Variants in MYH10 observed in about 807,000 individuals in gnomAD.
MYH10 encodes myosin heavy chain 10, also known as myosin-10.
In MYH10, 55 loss-of-function variants were observed where a neutral mutation model predicts 257.8. The observed-to-expected ratio is 0.21, with a 90% CI of 0.17 to 0.27. The LOEUF is 0.27. Ranked by LOEUF, MYH10 falls within the 10% of genes least tolerant of loss-of-function variation. The probability of loss-of-function intolerance (pLI) is 1.00; values close to 1 mark genes in which losing one functional copy is unlikely to be tolerated. For missense variants in MYH10, 1,631 were observed against 2,500.6 expected (o/e 0.65, Z 7.42); for synonymous variants, 854 against 921.7 (o/e 0.93, Z 1.33).
chr17:8,588,958 T>A (rs1007669862), intron 4 of MYH10, 123 bp downstream of exon 4: 2 of 888,584 alleles, frequency 2.3e-6, no homozygotes, highest in Non-Finnish European at 3.6e-6. Flanking sequence ...TTAAAATAAC[T>A]GCGAGGTTTA....
intron 17 of MYH10, among the ~76,000 whole-genome samples, chr17:8,524,449 C>A (rs969302753): frequency 1.6e-5 from 1 of 62,128 alleles, no homozygotes; most frequent in African/African-American, 6.6e-5. Context: ...GACTCTGTCT[C>A]AAAAAAAAAA....
At chr17:8,501,414 A>G (rs1917483895) in intron 28 of MYH10, among the ~76,000 whole-genome samples, 1 of 152,226 alleles carries the variant, frequency 6.6e-6, no homozygotes, top group South Asian at 2.1e-4. Flanking sequence ...ACCGGAGGTC[A>G]GGAATTGGTT....
rs1049961314 is a variant in MYH10, at chr17:8,487,436, G to A, written c.5043C>T (p.Leu1681=). ...RDEVIKQLRK[L]QAQMKDYQRE... ...CTCCATGGGTGAAGGCACATACCTG[G>A]AGCTTGCGGAGCTGCTTAATCACCT... Residue 1681 remains leucine (L), a synonymous_variant, in exon 36 of 43, where the codon CTC becomes CTT. Coordinates refer to ENST00000360416, the MANE Select transcript of MYH10 (RefSeq NM_001256012.3). 3.1e-6 allele frequency: 5 copies of A among 1,613,972 alleles called. No individual in the cohort carries two copies. Among genetic ancestry groups the A allele is most frequent in the Middle Eastern group, 3.4e-4 (2 of 5,966 alleles).
rs749672925 is a variant in MYH10 at position 8,623,288 on chromosome 17, A to C, written c.-31-11T>G. ...CAAAAGCAATTGCCTCTAAGAGAAGAGGAGGAGGGCAAAATTAGATGTTTA... is the reference window on the plus strand; with the variant it reads ...CAAAAGCAATTGCCTCTAAGAGAAGCGGAGGAGGGCAAAATTAGATGTTTA... On this transcript the variant is annotated splice_polypyrimidine_tract_variant and intron_variant, in intron 1 of 42. Coordinates refer to ENST00000360416, the MANE Select transcript of MYH10 (RefSeq NM_001256012.3). 2.6e-6 allele frequency: 4 copies of C among 1,540,778 alleles called. No homozygotes were observed. The highest frequency in any genetic ancestry group is 2.6e-6 in the Non-Finnish European group (3 of 1,148,240).
intron 2 of MYH10, among the ~76,000 whole-genome samples, chr17:8,614,190 C>T (rs2085153976): frequency 6.7e-6 from 1 of 149,136 alleles, no homozygotes; most frequent in Admixed American, 6.7e-5. Context: ...GCAAGTCTAA[C>T]AAATATAAAA....
chr17:8,512,436 A>C lies in MYH10; in HGVS notation c.2952+15T>G, dbSNP rs768062015. 1.9e-6 allele frequency: 3 copies of C among 1,587,580 alleles called. No individual in the cohort carries two copies. In the South Asian group the frequency reaches 3.5e-5, roughly 18 times the overall value. On this transcript the variant is annotated intron_variant, in intron 24 of 42. Coordinates refer to ENST00000360416, the MANE Select transcript of MYH10 (RefSeq NM_001256012.3). ...AATCCAAAATATGCTTCTAAGTAAA[A>C]ATTATTATACATACCTGAATATGTG...
chr17:8,534,219 C>A (rs541298281), intron 16 of MYH10, among the ~76,000 whole-genome samples: 1 of 152,332 alleles, frequency 6.6e-6, no homozygotes, highest in African/African-American at 2.4e-5. Context: ...AGTGACACTG[C>A]ACTCAGTAGT....
At chr17:8,614,580 G>A (rs1033580359) in intron 2 of MYH10, among the ~76,000 whole-genome samples, 2 of 151,956 alleles carry the variant, frequency 1.3e-5, no homozygotes, top group African/African-American at 4.8e-5. Context: ...GCCTCCCAAA[G>A]TGTTAGGATT....
chr17:8,514,060 C>T (rs1362200178), intron 21 of MYH10, among the ~76,000 whole-genome samples, 166 bp from the exon 22 acceptor site: 2 of 152,190 alleles, frequency 1.3e-5, no homozygotes, highest in Non-Finnish European at 2.9e-5. Flanking sequence ...TCTGGCCGCT[C>T]GAAGCCACAC....
At chr17:8,550,298 G>A (rs1483767079) in intron 9 of MYH10, among the ~76,000 whole-genome samples, 71 of 150,682 alleles carry the variant, frequency 4.7e-4, no homozygotes, top group African/African-American at 1.6e-3. Flanking sequence ...TCTCTGCCCG[G>A]CCGCCCATCT....
intron 6 of MYH10, among the ~76,000 whole-genome samples, chr17:8,573,689 T>C (rs751815288): frequency 3.9e-5 from 6 of 152,154 alleles, no homozygotes; most frequent in African/African-American, 1.2e-4. Context: ...TAAGGGGATA[T>C]AGCCAAATAA....
Position 8,630,265 on chromosome 17 carries a change from C to G in MYH10, c.-32+389G>C, listed in dbSNP as rs73238724. Among the ~76,000 whole-genome samples, 6 of 150,460 alleles carry G rather than the reference C, an allele frequency of 4.0e-5. No homozygotes were observed. The East Asian group carries it at 8.0e-4, about 20-fold the overall frequency. On this transcript the variant is annotated intron_variant, in intron 1 of 42. Coordinates refer to ENST00000360416, the MANE Select transcript of MYH10 (RefSeq NM_001256012.3). ...CCCTCGACCTCGCGCCCCCAGGGAT[C>G]CCACCCACCGAGAACCTGGTCCTCA...
intron 17 of MYH10, among the ~76,000 whole-genome samples, chr17:8,523,785 G>A (rs2081740162): frequency 6.6e-6 from 1 of 152,184 alleles, no homozygotes; most frequent in South Asian, 2.1e-4. Context: ...TATTTTAGTG[G>A]GAGGACTGGC....
chr17:8,589,420 C>T (rs1026379599), intron 3 of MYH10, among the ~76,000 whole-genome samples: 8 of 152,106 alleles, frequency 5.3e-5, no homozygotes, highest in Non-Finnish European at 8.8e-5. Context: ...CAAATTCAAC[C>T]GGGAAGTTTT....
chr17:8,491,223 A>T (rs1915725151), intron 34 of MYH10, among the ~76,000 whole-genome samples: 1 of 152,148 alleles, frequency 6.6e-6, no homozygotes. Flanking sequence ...GGCGCGGGGA[A>T]TCCTAGGACA....
At chr17:8,573,025 A>T (rs1397057833) in intron 6 of MYH10, among the ~76,000 whole-genome samples, 3 of 152,158 alleles carry the variant, frequency 2.0e-5, no homozygotes, top group African/African-American at 7.2e-5. Context: ...CCTTGTTTCT[A>T]TTCTATAATG....
Position 8,477,199 on chromosome 17 carries a change from G to A in MYH10, c.5707-151C>T. ...TACACGCGTGCCTGGGGGCTGGTCG[G>A]AGGCTCTGTAACCGGCCTGCCGCTC... On this transcript the variant is annotated intron_variant, in intron 41 of 42. Transcript: ENST00000360416. The surrounding 1 kb of genome is among the most constrained non-coding windows in gnomAD (Gnocchi z 4.2). 1 of 801,738 alleles carries A rather than the reference G, an allele frequency of 1.2e-6. No individual in the cohort carries two copies. The highest frequency in any genetic ancestry group is 1.9e-6 in the Non-Finnish European group (1 of 524,974). 49.7% of individuals were successfully genotyped at this position (801,738 alleles called of 1,614,324 possible).
Position 8,552,902 on chromosome 17 carries a change from A to C in MYH10, c.821-758T>G, listed in dbSNP as rs2082683921. 6.6e-6 allele frequency among the ~76,000 whole-genome samples: 1 copy of C among 152,138 alleles called. No homozygotes were observed. The highest frequency in any genetic ancestry group is 6.5e-5 in the Admixed American group (1 of 15,270). ...GCTCCTGCATTTCAGACCACTGCAC[A>C]CCCAGCTGTGTATCTTATCTGGGGC... On this transcript the variant is annotated intron_variant, in intron 8 of 42. Transcript: ENST00000360416. The surrounding 1 kb of genome is among the most constrained non-coding windows in gnomAD (Gnocchi z 4.8).
chr17:8,551,851 A>G (rs928399005), intron 9 of MYH10, among the ~76,000 whole-genome samples, 195 bp downstream of exon 9: 3 of 152,158 alleles, frequency 2.0e-5, no homozygotes, highest in Non-Finnish European at 4.4e-5. Context: ...TATTATCTAC[A>G]ATACCTGCCG....
Sources: allele counts gnomAD v4.1 joint callset (sites outside exome capture counted in the v4.1 genomes callset), GRCh38; gene constraint gnomAD v4.1.1; non-coding constraint Gnocchi (gnomAD v3.1); transcripts MANE v1.5; gene names NCBI Gene and HGNC (gene_info 2026-07-23, HGNC 2026-07-21).